SNAPC3: variants seen among roughly 807,000 people sequenced by gnomAD.
SNAPC3 encodes snRNA-activating protein complex subunit 3.
SNAPC3 carries 56 observed loss-of-function variants against 47.7 expected under a neutral mutation model. That is an observed-to-expected ratio of 1.18 (90% CI 0.95 to 1.47). SNAPC3 has a LOEUF of 1.47. Among genes scored for constraint, SNAPC3 ranks in the 40% most tolerant of loss-of-function variants. The pLI is 0.00. For synonymous variants in SNAPC3, 235 were observed against 189.9 expected (o/e 1.24, Z -1.95); for missense variants, 665 against 511.3 (o/e 1.30, Z -2.90).
rs952596540 is a variant in SNAPC3, at chr9:15,433,553, G to A, written c.394G>A (p.Val132Ile). 2.5e-6 allele frequency: 4 copies of A among 1,581,944 alleles called. No homozygotes were observed. Among genetic ancestry groups the A allele is most frequent in the East Asian group, 2.2e-5 (1 of 44,466 alleles). Residue 132 changes from valine to isoleucine, a missense_variant and splice_region_variant, in exon 3 of 9, where the codon GTT becomes ATT. Physicochemically the swap from Val to Ile is conservative, Grantham distance 29. Coordinates refer to ENST00000380821, the MANE Select transcript of SNAPC3 (RefSeq NM_001039697.2). ...TTTTTTCTTTTACATCTACAACAGG[G>A]TTAGAAAAAGGTTCTTGGAACATCG... Reference protein sequence around the residue: ...PENTDLVTLGVRKRFLEHREE... With the variant: ...PENTDLVTLGIRKRFLEHREE...
chr9:15,458,077 A>G lies in SNAPC3; in HGVS notation c.1088+10A>G. 7.3e-7 allele frequency: 1 copy of G among 1,369,662 alleles called. No individual in the cohort carries two copies. Among genetic ancestry groups the G allele is most frequent in the Non-Finnish European group, 9.7e-7 (1 of 1,032,854 alleles). The allele number at this position is 1,369,662 out of a possible 1,614,324, so 84.8% of individuals were successfully genotyped here. A position where few individuals can be genotyped will look rare whatever the true frequency, so the allele number is the denominator to read the frequency against. On this transcript the variant is annotated intron_variant, in intron 8 of 8. Transcript: ENST00000380821. ...AAATGTATACAGCCAGGTGAGTGAT[A>G]ATGTATTTTTTTTTTTCTCTGAGAA...
intron 8 of SNAPC3, 56 bp downstream of exon 8, chr9:15,458,123 T>C (rs909472335): frequency 1.1e-6 from 1 of 924,282 alleles, no homozygotes; most frequent in Non-Finnish European, 1.7e-6. Context: ...TGACTTTTGG[T>C]ATTTTGTTTT....
chr9:15,429,035 C>G (rs2031812001), intron 2 of SNAPC3, among the ~76,000 whole-genome samples: 1 of 152,044 alleles, frequency 6.6e-6, no homozygotes, highest in African/African-American at 2.4e-5. Context: ...GACTTATTGA[C>G]TTTTGGGATA....
At chr9:15,425,229 A>T (rs766078571) in intron 2 of SNAPC3, among the ~76,000 whole-genome samples, 1 of 151,878 alleles carries the variant, frequency 6.6e-6, no homozygotes, top group African/African-American at 2.4e-5. Flanking sequence ...ATGTTACGTT[A>T]TTTTTTTGAG....
intron 5 of SNAPC3, among the ~76,000 whole-genome samples, chr9:15,450,670 A>G (rs919688370): frequency 3.3e-5 from 5 of 152,204 alleles, no homozygotes; most frequent in Non-Finnish European, 7.3e-5. Flanking sequence ...GTTTTTTTCT[A>G]GAGAGCTTTG....
chr9:15,457,835 C>T, intron 7 of SNAPC3, 125 bp from the exon 8 acceptor site: 1 of 619,848 alleles, frequency 1.6e-6, no homozygotes, highest in Non-Finnish European at 2.7e-6. Flanking sequence ...TCAGCAACAT[C>T]TTGTAAGCAA....
intron 3 of SNAPC3, among the ~76,000 whole-genome samples, chr9:15,434,432 G>C (rs954630133): frequency 1.4e-5 from 2 of 141,270 alleles, no homozygotes; most frequent in African/African-American, 2.7e-5. Context: ...TTTTGAAACA[G>C]AGTCTCGCTG....
At chr9:15,456,031 C>T (rs1026784965) in intron 7 of SNAPC3, among the ~76,000 whole-genome samples, 13 of 152,098 alleles carry the variant, frequency 8.5e-5, no homozygotes, top group South Asian at 4.1e-4. Context: ...TGCGCCACCA[C>T]GCCCAGCTAA....
chr9:15,441,910 A>G (rs1166010592), intron 3 of SNAPC3, among the ~76,000 whole-genome samples: 2 of 152,248 alleles, frequency 1.3e-5, no homozygotes, highest in East Asian at 3.9e-4. Context: ...GCTGTTGGGT[A>G]CACCTCCCAG....
chr9:15,448,047 C>G (rs749170015), intron 5 of SNAPC3, among the ~76,000 whole-genome samples: 80 of 152,180 alleles, frequency 5.3e-4, no homozygotes, highest in Non-Finnish European at 2.2e-4. Flanking sequence ...CCTGCTACAA[C>G]TCTGGCAGAG....
chr9:15,431,084 C>T (rs952182136), intron 2 of SNAPC3, among the ~76,000 whole-genome samples: 1 of 152,206 alleles, frequency 6.6e-6, no homozygotes, highest in Non-Finnish European at 1.5e-5. Context: ...TGTGCTGGCT[C>T]AGCAGGATCC....
At position 15,444,676 on chromosome 9, in the gene SNAPC3, G is replaced by T; in HGVS notation, c.552G>T (p.Val184=). The change falls in exon 4 of 9, where the codon GTG becomes GTT. Residue 184 remains valine, a synonymous_variant. Coordinates refer to ENST00000380821, the MANE Select transcript of SNAPC3 (RefSeq NM_001039697.2). ...MIEEGELILS[V]NILYPVIFHK... is the part of the protein sequence containing the mutation. ...AAGAAGGGGAGCTTATCCTATCTGT[G>T]AATATCTTGTACCCTGTTATATTTC... 1 of 1,608,134 alleles carries T rather than the reference G, an allele frequency of 6.2e-7. No homozygotes were observed. The highest frequency in any genetic ancestry group is 8.5e-7 in the Non-Finnish European group (1 of 1,174,710).
chr9:15,432,658 A>T (rs184026310), intron 2 of SNAPC3, among the ~76,000 whole-genome samples: 54 of 152,368 alleles, frequency 3.5e-4, no homozygotes, highest in African/African-American at 1.3e-3. Context: ...TAAAACAATT[A>T]TCTGTAGGTT....
chr9:15,431,932 A>G (rs919899137), intron 2 of SNAPC3: 1 of 126,158 alleles, frequency 7.9e-6, no homozygotes, highest in Non-Finnish European at 1.6e-5. Context: ...TTTGCATATC[A>G]TCCATGCACA....
chr9:15,442,996 C>G (rs1169749126), intron 3 of SNAPC3, among the ~76,000 whole-genome samples: 2 of 152,338 alleles, frequency 1.3e-5, no homozygotes, highest in Admixed American at 1.3e-4. Flanking sequence ...CAGCGAAACC[C>G]CGTCTCCACC....
At position 15,422,987 on chromosome 9, in the gene SNAPC3, G is replaced by A; in HGVS notation, c.108G>A (p.Glu36=). ...GCNFPEYELP[E]LNTRAFHVGA... is the part of the protein sequence containing the mutation. ...ACTTTCCAGAGTATGAGCTTCCCGA[G>A]CTAAATACGCGCGCTTTCCATGTGG... Residue 36 remains glutamate (E), a synonymous_variant, in exon 1 of 9, where the codon GAG becomes GAA. Coordinates refer to ENST00000380821, the MANE Select transcript of SNAPC3 (RefSeq NM_001039697.2). 2 of 1,546,446 alleles carry A rather than the reference G, an allele frequency of 1.3e-6. No individual in the cohort carries two copies. The highest frequency in any genetic ancestry group is 1.7e-6 in the Non-Finnish European group (2 of 1,153,538).
At chr9:15,443,425 A>T (rs76045981) in intron 3 of SNAPC3, among the ~76,000 whole-genome samples, 3 of 152,140 alleles carry the variant, frequency 2.0e-5, no homozygotes, top group Non-Finnish European at 4.4e-5. Context: ...CATTCTAGGT[A>T]TATTTTCTCT....
At chr9:15,444,543 AC>A in intron 3 of SNAPC3, 58 bp from the exon 4 acceptor site, 1 of 1,087,184 alleles carries the variant, frequency 9.2e-7, no homozygotes, top group South Asian at 1.3e-5. Context: ...CCATTGTACC[AC>A]ACTGCATCTT....
chr9:15,433,567 C>A lies in SNAPC3; in HGVS notation c.408C>A (p.Phe136Leu). Reference protein sequence around the residue: ...DLVTLGVRKRFLEHREETITI... With the variant: ...DLVTLGVRKRLLEHREETITI... Reference sequence around the variant, plus strand: ...TCTACAACAGGGTTAGAAAAAGGTTCTTGGAACATCGGGAAGAAACCATTA... The same window carrying A: ...TCTACAACAGGGTTAGAAAAAGGTTATTGGAACATCGGGAAGAAACCATTA... Residue 136 changes from phenylalanine (F) to leucine (L), a missense_variant, in exon 3 of 9, where the codon TTC (phenylalanine) becomes TTA (leucine). Coordinates refer to ENST00000380821, the MANE Select transcript of SNAPC3 (RefSeq NM_001039697.2). 5.6e-6 allele frequency: 9 copies of A among 1,599,362 alleles called. No individual in the cohort carries two copies. Among genetic ancestry groups the A allele is most frequent in the Admixed American group, 1.7e-5 (1 of 58,572 alleles).
Sources: gnomAD v4.1 joint callset for allele counts (sites outside exome capture counted in the v4.1 genomes callset) on GRCh38, gnomAD v4.1.1 for gene constraint, MANE v1.5 for transcripts, NCBI Gene and HGNC (gene_info 2026-07-23, HGNC 2026-07-21) for gene names.